Variants in SLIT2 observed in about 807,000 individuals in gnomAD.
The protein encoded by SLIT2 is slit guidance ligand 2, also known as slit homolog 2 protein.
A neutral mutation model predicts 185.7 loss-of-function variants in SLIT2; 41 were observed. That is an observed-to-expected ratio of 0.22 (90% confidence interval 0.17 to 0.29). The LOEUF (loss-of-function observed/expected upper bound fraction) is 0.29. Among genes scored for constraint, SLIT2 ranks in the 10% least tolerant of loss-of-function variants. The pLI, the probability that SLIT2 is intolerant of heterozygous loss-of-function variation, is 1.00. For synonymous variants in SLIT2, 693 were observed against 680.2 expected, an observed-to-expected ratio of 1.02 and a Z score of -0.29; for missense variants, 1,571 against 1,909.0, an observed-to-expected ratio of 0.82 and a Z score of 3.30.
rs543416422 is a variant in SLIT2, at chr4:20,533,863, G to A, written c.1832+148G>A. 158 of 668,642 alleles carry A rather than the reference G, an allele frequency of 2.4e-4. 1 individual carries two copies. The highest frequency in any genetic ancestry group is 3.6e-4 in the Non-Finnish European group (135 of 379,630). The allele number at this position is 668,642 out of a possible 1,614,324, so 41.4% of individuals were successfully genotyped here. On this transcript the variant is annotated intron_variant, in intron 18 of 36. Transcript: ENST00000504154. The stretch of plus-strand genomic sequence containing the variant: ...TCTCTGTTACACACACATACACACC[G>A]CTACACACACACACATGTATTGTGA...
chr4:20,429,746 A>G (rs1339460934), intron 4 of SLIT2, among the ~76,000 whole-genome samples: 1 of 152,174 alleles, frequency 6.6e-6, no homozygotes, highest in African/African-American at 2.4e-5. Context: ...AGAAATCAGG[A>G]AATGGAAAAT....
intron 2 of SLIT2, among the ~76,000 whole-genome samples, chr4:20,257,363 A>G (rs986885159): frequency 6.6e-6 from 1 of 152,102 alleles, no homozygotes; most frequent in Non-Finnish European, 1.5e-5. Flanking sequence ...TCTCACCCAC[A>G]GGATTGTAAA....
chr4:20,413,592 G>A (rs559500479), intron 4 of SLIT2, among the ~76,000 whole-genome samples: 1 of 152,004 alleles, frequency 6.6e-6, no homozygotes, highest in African/African-American at 2.4e-5. Context: ...TTCAAGTGTG[G>A]CCACTCTTGC....
chr4:20,385,850 C>G (rs1383102254), intron 4 of SLIT2, among the ~76,000 whole-genome samples: 1 of 152,032 alleles, frequency 6.6e-6, no homozygotes, highest in Non-Finnish European at 1.5e-5. Flanking sequence ...CATACAGTTT[C>G]TTTATTTCAT....
chr4:20,449,234 T>A (rs573917031), intron 4 of SLIT2, among the ~76,000 whole-genome samples: 1 of 152,152 alleles, frequency 6.6e-6, no homozygotes, highest in East Asian at 1.9e-4. Flanking sequence ...ATTTGGAAAC[T>A]TAGTTTCATT....
In SLIT2 at chr4:20,524,116, C is replaced by T. The variant is rs749710893; in HGVS notation, c.1377C>T (p.Ser459=). The change falls in exon 14 of 37, where the codon AGC becomes AGT. Residue 459 remains serine (S), a synonymous_variant. Coordinates refer to ENST00000504154, the MANE Select transcript of SLIT2 (RefSeq NM_004787.4). ...PIETSGARCT[S]PRRLANKRIG... The stretch of plus-strand genomic sequence containing the variant: ...AGACCAGTGGTGCCCGTTGCACCAG[C>T]CCCCGCCGCCTGGCAAACAAAAGAA... 1 of 1,614,014 alleles carries T rather than the reference C, an allele frequency of 6.2e-7. No individual in the cohort carries two copies. Among genetic ancestry groups the T allele is most frequent in the Admixed American group, 1.7e-5 (1 of 60,016 alleles).
At chr4:20,379,794 G>A (rs2109338811) in intron 4 of SLIT2, among the ~76,000 whole-genome samples, 1 of 152,228 alleles carries the variant, frequency 6.6e-6, no homozygotes, top group Middle Eastern at 3.4e-3. Context: ...GGTGAGCTCC[G>A]CGACTCCCCA....
intron 34 of SLIT2, among the ~76,000 whole-genome samples, chr4:20,611,460 A>G (rs1047007705): frequency 6.6e-6 from 1 of 152,144 alleles, no homozygotes; most frequent in Non-Finnish European, 1.5e-5. Context: ...TGTCCATTCT[A>G]CTCCCTAAAA....
chr4:20,470,121 G>A (rs1229512182), intron 5 of SLIT2, among the ~76,000 whole-genome samples: 1 of 152,034 alleles, frequency 6.6e-6, no homozygotes, highest in African/African-American at 2.4e-5. Flanking sequence ...GAAAGAAGAT[G>A]TATGAAAGAC....
intron 4 of SLIT2, among the ~76,000 whole-genome samples, chr4:20,433,012 G>C (rs778889555): frequency 3.3e-5 from 5 of 152,048 alleles, no homozygotes; most frequent in Non-Finnish European, 7.3e-5. Flanking sequence ...CTAAAAGCTA[G>C]TGCTGTCAAC....
chr4:20,503,032 A>T (rs1718881777), intron 9 of SLIT2, among the ~76,000 whole-genome samples: 1 of 152,182 alleles, frequency 6.6e-6, no homozygotes, highest in Non-Finnish European at 1.5e-5. Flanking sequence ...CAAATGTAAA[A>T]TAAGACTCAT....
intron 4 of SLIT2, among the ~76,000 whole-genome samples, chr4:20,448,442 T>C (rs982951352): frequency 6.6e-6 from 1 of 151,970 alleles, no homozygotes; most frequent in African/African-American, 2.4e-5. Context: ...TGCCTCAGCC[T>C]CCCAAGTGGC....
At chr4:20,437,757 C>A (rs936858387) in intron 4 of SLIT2, among the ~76,000 whole-genome samples, 5 of 150,890 alleles carry the variant, frequency 3.3e-5, no homozygotes, top group Non-Finnish European at 5.9e-5. Flanking sequence ...CTGAAAAATA[C>A]AAAAAAAATT....
chr4:20,348,438 G>C (rs1218466543), intron 4 of SLIT2, among the ~76,000 whole-genome samples: 4 of 151,126 alleles, frequency 2.6e-5, no homozygotes, highest in Non-Finnish European at 5.9e-5. Context: ...AGTAGAGATG[G>C]GGTTTCACCA....
chr4:20,472,493 G>GAT (rs1384363791), intron 5 of SLIT2, among the ~76,000 whole-genome samples: 3 of 10,410 alleles, frequency 2.9e-4, no homozygotes, highest in Admixed American at 2.2e-3. Context: ...TCTATATATA[G>GAT]ATATATATCT....
At chr4:20,516,311 A>G (rs1384208596) in intron 11 of SLIT2, among the ~76,000 whole-genome samples, 2 of 152,214 alleles carry the variant, frequency 1.3e-5, no homozygotes, top group African/African-American at 4.8e-5. Flanking sequence ...ACAACAAAAA[A>G]ATCTCTATCA....
chr4:20,480,888 T>C (rs1716631983), intron 6 of SLIT2, 101 bp downstream of exon 6: 1 of 859,926 alleles, frequency 1.2e-6, no homozygotes, highest in South Asian at 1.4e-5. Context: ...GTTGTCAAAA[T>C]AGTCTCTCAA....
At chr4:20,606,501 A>G (rs1473045658) in intron 33 of SLIT2, among the ~76,000 whole-genome samples, 1 of 151,772 alleles carries the variant, frequency 6.6e-6, no homozygotes, top group East Asian at 1.9e-4. Context: ...AAAGGAATCT[A>G]AAATCATGAA....
intron 33 of SLIT2, among the ~76,000 whole-genome samples, chr4:20,606,198 C>T (rs1345381132): frequency 1.3e-5 from 2 of 152,110 alleles, no homozygotes; most frequent in Non-Finnish European, 2.9e-5. Flanking sequence ...AAAATACTAT[C>T]TTAAAAACCA....
Sources: allele counts gnomAD v4.1 joint callset (sites outside exome capture counted in the v4.1 genomes callset), GRCh38; gene constraint gnomAD v4.1.1; transcripts MANE v1.5; gene names NCBI Gene and HGNC (gene_info 2026-07-23, HGNC 2026-07-21).